PCSK5: variants seen among roughly 807,000 people sequenced by gnomAD.
PCSK5 encodes the protein proprotein convertase subtilisin/kexin type 5, also known as prohormone convertase 5.
In PCSK5, 129 loss-of-function variants were observed where a neutral mutation model predicts 233.2. That is an observed-to-expected ratio of 0.55 (90% CI 0.48 to 0.64). The LOEUF (loss-of-function observed/expected upper bound fraction) is 0.64. PCSK5 is among the 30% of genes least tolerant of loss of function. The probability of loss-of-function intolerance (pLI) is 0.00; values close to 1 mark genes in which losing one functional copy is unlikely to be tolerated. For missense variants in PCSK5, 2,076 were observed against 2,430.1 expected (o/e 0.85, Z 3.06); for synonymous variants, 825 against 879.2 (o/e 0.94, Z 1.09).
chr9:75,903,237 T>G (rs1826117899), intron 1 of PCSK5, among the ~76,000 whole-genome samples: 1 of 152,184 alleles, frequency 6.6e-6, no homozygotes, highest in Non-Finnish European at 1.5e-5. Context: ...TCTTTAAAAT[T>G]ATTTATAGAT....
intron 37 of PCSK5, 75 bp downstream of exon 37, chr9:76,354,294 G>A: frequency 8.2e-7 from 1 of 1,214,264 alleles, no homozygotes; most frequent in East Asian, 2.6e-5. Flanking sequence ...AGGGAGGGGG[G>A]GATGGAAAGT....
At chr9:76,003,966 T>G (rs895779760) in intron 3 of PCSK5, among the ~76,000 whole-genome samples, 6 of 152,114 alleles carry the variant, frequency 3.9e-5, no homozygotes, top group Admixed American at 2.6e-4. Context: ...TGGCTAATTT[T>G]TTTATTTTTA....
intron 20 of PCSK5, chr9:76,194,734 T>G: frequency 2.1e-6 from 1 of 465,154 alleles, no homozygotes; most frequent in South Asian, 1.6e-5. Context: ...TATAGATCTT[T>G]TGACAGTTTC....
intron 20 of PCSK5, among the ~76,000 whole-genome samples, chr9:76,226,413 A>G (rs1013279819): frequency 3.3e-5 from 5 of 152,148 alleles, no homozygotes; most frequent in African/African-American, 9.7e-5. Context: ...AGTCAAGTCT[A>G]GGTTTCCAGG....
chr9:76,197,014 T>C (rs1260221608), intron 20 of PCSK5, among the ~76,000 whole-genome samples: 1 of 152,154 alleles, frequency 6.6e-6, no homozygotes, highest in Non-Finnish European at 1.5e-5. Flanking sequence ...CAGGTAGAGC[T>C]AGAATTGGTC....
At chr9:76,278,040 A>G (rs1177722371) in intron 24 of PCSK5, among the ~76,000 whole-genome samples, 2 of 152,220 alleles carry the variant, frequency 1.3e-5, no homozygotes, top group African/African-American at 4.8e-5. Context: ...TTGGCTGCTT[A>G]TAATGCTGTC....
At chr9:76,107,777 T>C (rs899403960) in intron 9 of PCSK5, among the ~76,000 whole-genome samples, 2 of 152,192 alleles carry the variant, frequency 1.3e-5, no homozygotes, top group Admixed American at 6.5e-5. Context: ...CTCTGCAGAA[T>C]AGAATATGCC....
chr9:76,077,951 G>C (rs1477033115), intron 7 of PCSK5, among the ~76,000 whole-genome samples: 1 of 152,164 alleles, frequency 6.6e-6, no homozygotes, highest in Admixed American at 6.5e-5. Context: ...TTGAACGGTA[G>C]CTCTGTTTTA....
chr9:76,194,918 T>G (rs1015744058), intron 20 of PCSK5: 1 of 218,290 alleles, frequency 4.6e-6, no homozygotes, highest in Non-Finnish European at 9.9e-6. Context: ...CAACATGGAC[T>G]ATCCTGGGAA....
chr9:76,321,427 C>G lies in PCSK5; in HGVS notation c.3890C>G (p.Ser1297Cys), dbSNP rs756374231. Reference sequence around the variant, plus strand: ...ACTCTGTCTTCCTTCCACAGGGGCTCTTATGCAGAAGACGGCATATGTGAA... The same window carrying G: ...ACTCTGTCTTCCTTCCACAGGGGCTGTTATGCAGAAGACGGCATATGTGAA... ...GRCYSKCPEG[S>C]YAEDGICERC... The change falls in exon 31 of 38, where the codon TCT becomes TGT. Residue 1297 changes from serine (S) to cysteine (C), a missense_variant. Coordinates refer to ENST00000674117, the MANE Select transcript of PCSK5 (RefSeq NM_001372043.1). 1.2e-5 allele frequency: 18 copies of G among 1,559,394 alleles called. No homozygotes were observed. The highest frequency in any genetic ancestry group is 3.3e-5 in the Admixed American group (2 of 59,928).
At chr9:76,196,397 G>A (rs1249348710) in intron 20 of PCSK5, among the ~76,000 whole-genome samples, 1 of 152,220 alleles carries the variant, frequency 6.6e-6, no homozygotes, top group Admixed American at 6.5e-5. Context: ...GATGATTTTT[G>A]TCTAAAATAA....
intron 2 of PCSK5, among the ~76,000 whole-genome samples, chr9:75,954,566 G>A (rs1825010944): frequency 6.6e-6 from 1 of 152,168 alleles, no homozygotes; most frequent in Non-Finnish European, 1.5e-5. Context: ...CATAATTGTA[G>A]TTGTTACAAT....
intron 36 of PCSK5, among the ~76,000 whole-genome samples, chr9:76,352,754 A>T (rs1459308014): frequency 1.3e-5 from 2 of 152,182 alleles, no homozygotes; most frequent in African/African-American, 4.8e-5. Context: ...TAACATATTT[A>T]CATATGAGCA....
In PCSK5 at chr9:75,891,107, CG is replaced by C. The variant is rs1222073660; in HGVS notation, c.-73del. ...GGGCTGCTCGCCGGGCGGCGCAGGC[CG>C]GAGAAGTTAGTTGTGCGCGCCCTTA... On this transcript the variant is annotated 5_prime_UTR_variant, in exon 1 of 38. Transcript: ENST00000674117. 8 of 1,186,134 alleles carry C rather than the reference CG, an allele frequency of 6.7e-6. No individual in the cohort carries two copies. The highest frequency in any genetic ancestry group is 8.8e-6 in the Non-Finnish European group (8 of 907,396). The allele number at this position is 1,186,134 out of a possible 1,614,324, so 73.5% of individuals were successfully genotyped here. A position where few individuals can be genotyped will look rare whatever the true frequency, so the allele number is the denominator to read the frequency against.
At position 76,324,474 on chromosome 9, in the gene PCSK5, G is replaced by A. The variant is rs143436074; in HGVS notation, c.4339+1186G>A. 9.3e-3 allele frequency among the ~76,000 whole-genome samples: 1,406 copies of A among 151,816 alleles called. 16 individuals carry two copies. Among genetic ancestry groups the A allele is most frequent in the African/African-American group, 0.022 (930 of 41,386 alleles). On this transcript the variant is annotated intron_variant, in intron 32 of 37. Transcript: ENST00000674117. ...CTGAATGCCTGATCTCAAGTGATCC[G>A]CCCACCCTGGCCTCCCAAAGTGCTG...
chr9:75,908,960 T>G (rs966367195), intron 1 of PCSK5, among the ~76,000 whole-genome samples: 2 of 113,282 alleles, frequency 1.8e-5, no homozygotes, highest in Non-Finnish European at 4.4e-5. Context: ...TCTATCTATC[T>G]ATCTATCTAT....
intron 24 of PCSK5, among the ~76,000 whole-genome samples, chr9:76,270,188 A>G (rs1363793361): frequency 3.3e-5 from 5 of 152,158 alleles, no homozygotes; most frequent in African/African-American, 7.2e-5. Context: ...CGTCTGTTGG[A>G]GAATAAGTTT....
intron 8 of PCSK5, among the ~76,000 whole-genome samples, chr9:76,105,454 C>T (rs756139165): frequency 1.3e-4 from 20 of 152,194 alleles, no homozygotes; most frequent in Non-Finnish European, 2.8e-4. Flanking sequence ...TGATATTGTA[C>T]AAGCTTGTAC....
chr9:75,956,837 A>T (rs1057223475), intron 2 of PCSK5, among the ~76,000 whole-genome samples: 1 of 152,092 alleles, frequency 6.6e-6, no homozygotes, highest in Non-Finnish European at 1.5e-5. Context: ...TCCTATAGGA[A>T]TTCCTCCTTT....
Sources: allele counts gnomAD v4.1 joint callset (sites outside exome capture counted in the v4.1 genomes callset), GRCh38; gene constraint gnomAD v4.1.1; transcripts MANE v1.5; gene names NCBI Gene and HGNC (gene_info 2026-07-23, HGNC 2026-07-21).